Variants in KCNQ4 observed in about 807,000 individuals in gnomAD.
KCNQ4 encodes the protein potassium voltage-gated channel subfamily KQT member 4.
A neutral mutation model predicts 72.6 loss-of-function variants in KCNQ4; 31 were observed. That is an observed-to-expected ratio of 0.43 (90% confidence interval 0.32 to 0.58). The LOEUF is 0.58. KCNQ4 is among the 20% of genes least tolerant of loss of function. The pLI, the probability that KCNQ4 is intolerant of heterozygous loss-of-function variation, is 0.08. For missense variants in KCNQ4, 869 were observed against 962.6 expected, an observed-to-expected ratio of 0.90 and a Z score of 1.29; for synonymous variants, 405 against 403.7, an observed-to-expected ratio of 1.00 and a Z score of -0.04.
At chr1:40,818,415 C>A in intron 3 of KCNQ4, 90 bp from the exon 4 acceptor site, 2 of 1,562,624 alleles carry the variant, frequency 1.3e-6, no homozygotes, top group Middle Eastern at 2.1e-4. Context: ...CCCTCCCTCC[C>A]CAGTCCCCTG....
In KCNQ4 at chr1:40,834,638, A is replaced by G. The variant is rs116187615; in HGVS notation, c.1614-329A>G. On this transcript the variant is annotated intron_variant, in intron 11 of 13. Transcript: ENST00000347132. ...GAGTTATTGATGTGCCTGCCCCACA[A>G]TGTCCCATTGCCCAGTCTCTGCCAG... Among the ~76,000 whole-genome samples, 947 of 151,760 alleles carry G rather than the reference A, an allele frequency of 6.2e-3. 13 individuals are homozygous for G. The highest frequency in any genetic ancestry group is 0.022 in the African/African-American group (915 of 41,372).
chr1:40,787,196 C>T (rs1570796605), intron 1 of KCNQ4, among the ~76,000 whole-genome samples: 1 of 151,774 alleles, frequency 6.6e-6, no homozygotes, highest in East Asian at 1.9e-4. Context: ...ATGGTGAGAC[C>T]CCTGACTCTA....
rs1395541467 is a variant in KCNQ4 at position 40,794,668 on chromosome 1, G to A, written c.314+10261G>A. On this transcript the variant is annotated intron_variant, in intron 1 of 13. Coordinates refer to ENST00000347132, the MANE Select transcript of KCNQ4 (RefSeq NM_004700.4). This position sits in a 1 kb window ranked among gnomAD's most constrained non-coding sequence, Gnocchi z 4.2. ...CTAAATTTATTCCACTTAAAGGACT[G>A]TCTTTTAGTATGAGATGATGTCCTT... Among the ~76,000 whole-genome samples, 1 of 152,222 alleles carries A rather than the reference G, an allele frequency of 6.6e-6. No individual in the cohort carries two copies. Among genetic ancestry groups the A allele is most frequent in the Admixed American group, 6.5e-5 (1 of 15,288 alleles).
chr1:40,813,588 G>T (rs1236642983), intron 1 of KCNQ4, among the ~76,000 whole-genome samples: 1 of 152,086 alleles, frequency 6.6e-6, no homozygotes, highest in African/African-American at 2.4e-5. Context: ...GGTTTGAGAG[G>T]CCACCAGACA....
intron 1 of KCNQ4, among the ~76,000 whole-genome samples, chr1:40,797,916 C>T (rs984420463): frequency 2.0e-5 from 3 of 151,966 alleles, no homozygotes; most frequent in Admixed American, 6.6e-5. Context: ...GTGCAGGCGC[C>T]GAGGCTGTCT....
At chr1:40,786,283 C>G (rs184701951) in intron 1 of KCNQ4, among the ~76,000 whole-genome samples, 1 of 152,214 alleles carries the variant, frequency 6.6e-6, no homozygotes, top group African/African-American at 2.4e-5. Flanking sequence ...TCCTTACCCC[C>G]CCAGGCTTGG....
rs1287707773 is a variant in KCNQ4, at chr1:40,822,366, C to G, written c.1094C>G (p.Thr365Ser). 3 of 1,504,954 alleles carry G rather than the reference C, an allele frequency of 2.0e-6. No homozygotes were observed. Among genetic ancestry groups the G allele is most frequent in the South Asian group, 1.1e-5 (1 of 89,532 alleles). 93.2% of individuals were successfully genotyped at this position (1,504,954 alleles called of 1,614,324 possible). A position where few individuals can be genotyped will look rare whatever the true frequency, so the allele number is the denominator to read the frequency against. Residue 365 changes from threonine (T) to serine (S), a missense_variant, in exon 8 of 14, where the codon ACC (threonine) becomes AGC (serine). This residue lies in a region of KCNQ4 where 480 missense variants were observed against 501.9 expected (regional missense o/e 0.96). Transcript: ENST00000347132. ...ATGAGCCGGGCCTACCTGACAGCCA[C>G]CTGGTACTACTATGACAGTATCCTC... ...TDMSRAYLTA[T>S]WYYYDSILPS...
At chr1:40,825,224 C>A (rs1373519574) in intron 9 of KCNQ4, among the ~76,000 whole-genome samples, 2 of 152,142 alleles carry the variant, frequency 1.3e-5, no homozygotes, top group South Asian at 2.1e-4. Flanking sequence ...GGACATCTGG[C>A]CTTTGAGCTT....
At chr1:40,829,926 A>G (rs905686473) in intron 9 of KCNQ4, among the ~76,000 whole-genome samples, 3 of 152,172 alleles carry the variant, frequency 2.0e-5, no homozygotes, top group Non-Finnish European at 4.4e-5. Flanking sequence ...ACACAGAGTT[A>G]CTCTACCAGA....
chr1:40,796,654 C>T (rs868841180), intron 1 of KCNQ4, among the ~76,000 whole-genome samples: 2 of 152,164 alleles, frequency 1.3e-5, no homozygotes, highest in Non-Finnish European at 2.9e-5. Flanking sequence ...CTGTGGCTCA[C>T]GCCTGTAATC....
At chr1:40,801,672 G>T (rs1358549319) in intron 1 of KCNQ4, among the ~76,000 whole-genome samples, 1 of 152,194 alleles carries the variant, frequency 6.6e-6, no homozygotes, top group Non-Finnish European at 1.5e-5. Context: ...TGGATGCCTG[G>T]GAACAGGGAC....
intron 1 of KCNQ4, among the ~76,000 whole-genome samples, chr1:40,801,559 C>G (rs1349317102): frequency 6.6e-6 from 1 of 152,226 alleles, no homozygotes; most frequent in Admixed American, 6.5e-5. Context: ...AAAGTAGGAA[C>G]AAGATCAAGT....
Position 40,834,907 on chromosome 1 carries a change from G to A in KCNQ4, c.1614-60G>A. 8.1e-6 allele frequency: 13 copies of A among 1,603,442 alleles called. No individual in the cohort carries two copies. The South Asian group carries it at 1.3e-4, about 16-fold the overall frequency. On this transcript the variant is annotated intron_variant, in intron 11 of 13. Transcript: ENST00000347132. ...AGGGGATAGCAAAGAGATGGAGAGG[G>A]TGCTGGGAAAGAATCCCTGCTCTAA...
chr1:40,805,020 G>C (rs1320575278), intron 1 of KCNQ4: 1 of 152,114 alleles, frequency 6.6e-6, no homozygotes, highest in East Asian at 1.9e-4. Context: ...GCCTAGGGAG[G>C]GGTGAACTGG....
intron 1 of KCNQ4, among the ~76,000 whole-genome samples, chr1:40,801,586 C>T (rs4660464): frequency 0.53 from 80,690 of 152,094 alleles, 22,046 homozygotes; most frequent in East Asian, 0.75. Context: ...ATTCATGGAG[C>T]TTACATTGAG....
At chr1:40,836,070 G>C (rs1242352849) in intron 12 of KCNQ4, among the ~76,000 whole-genome samples, 1 of 151,944 alleles carries the variant, frequency 6.6e-6, no homozygotes, top group Non-Finnish European at 1.5e-5. Flanking sequence ...CTTTTAAAAG[G>C]ATCACCCTGG....
intron 1 of KCNQ4, among the ~76,000 whole-genome samples, chr1:40,789,946 G>C (rs905815644): frequency 6.6e-6 from 1 of 152,216 alleles, no homozygotes; most frequent in African/African-American, 2.4e-5. Flanking sequence ...CACCAATGTG[G>C]GTCTTTGGGG....
chr1:40,833,262 T>C, intron 11 of KCNQ4, 149 bp downstream of exon 11: 1 of 629,854 alleles, frequency 1.6e-6, no homozygotes, highest in South Asian at 1.5e-5. Flanking sequence ...TACAAAAAAT[T>C]AGCCAGACGT....
chr1:40,825,603 G>T (rs192320969), intron 9 of KCNQ4, among the ~76,000 whole-genome samples: 72 of 152,142 alleles, frequency 4.7e-4, no homozygotes, highest in African/African-American at 1.7e-3. Context: ...GAGGGGAAGC[G>T]TGACTGCCAG....
Sources: gnomAD v4.1 joint callset for allele counts (sites outside exome capture counted in the v4.1 genomes callset) on GRCh38, gnomAD v4.1.1 for gene constraint, gnomAD v4.1.1 regional missense constraint, Gnocchi (gnomAD v3.1) non-coding constraint, MANE v1.5 for transcripts, NCBI Gene and HGNC (gene_info 2026-07-23, HGNC 2026-07-21) for gene names.